E2F3: variants seen among roughly 807,000 people sequenced by gnomAD.
The protein encoded by E2F3 is E2F transcription factor 3, also known as transcription factor E2F3.
Under a neutral mutation model 44.4 loss-of-function variants are expected in E2F3, and 11 were observed. The ratio of observed to expected loss-of-function variants is 0.25; its 90% confidence interval spans 0.16 to 0.41. The LOEUF is 0.41. E2F3 is among the 10% of genes least tolerant of loss of function. The probability of loss-of-function intolerance (pLI) is 1.00; values close to 1 mark genes in which losing one functional copy is unlikely to be tolerated. For synonymous variants in E2F3, 249 were observed against 253.0 expected (o/e 0.98, Z 0.15); for missense variants, 487 against 583.6 (o/e 0.83, Z 1.70).
intron 1 of E2F3, among the ~76,000 whole-genome samples, chr6:20,454,447 G>A (rs1290015925): frequency 6.6e-6 from 1 of 152,224 alleles, no homozygotes; most frequent in Non-Finnish European, 1.5e-5. Context: ...ACAGCAGGAA[G>A]TGATAATATC....
rs1759347467 is a variant in E2F3 at position 20,402,679 on chromosome 6, C to T, written c.393+54C>T. 1 of 1,284,896 alleles carries T rather than the reference C, an allele frequency of 7.8e-7. No individual in the cohort carries two copies. Among genetic ancestry groups the T allele is most frequent in the Non-Finnish European group, 9.8e-7 (1 of 1,019,680 alleles). The allele number at this position is 1,284,896 out of a possible 1,614,324, so 79.6% of individuals were successfully genotyped here. A position where few individuals can be genotyped will look rare whatever the true frequency, so the allele number is the denominator to read the frequency against. On this transcript the variant is annotated intron_variant, in intron 1 of 6. Transcript: ENST00000346618. This position sits in a 1 kb window ranked among gnomAD's most constrained non-coding sequence, Gnocchi z 5.6. ...GCCCCGGCGGGAGGTGGGCTCGCAC[C>T]GCGCGGGGTCGTGGGCGCGCTGCGG... is the stretch of plus-strand genomic sequence containing the variant.
chr6:20,416,426 G>C (rs965846569), intron 1 of E2F3, among the ~76,000 whole-genome samples: 4 of 152,200 alleles, frequency 2.6e-5, no homozygotes, highest in Non-Finnish European at 2.9e-5. Context: ...CCCTGCCTCT[G>C]TGTGGTTTGT....
intron 2 of E2F3, among the ~76,000 whole-genome samples, chr6:20,480,381 T>A (rs1475188895): frequency 1.3e-5 from 2 of 152,224 alleles, no homozygotes. Flanking sequence ...TTGAGCCCGA[T>A]AAATTGCAGG....
At chr6:20,439,560 G>A (rs1581602274) in intron 1 of E2F3, among the ~76,000 whole-genome samples, 1 of 152,204 alleles carries the variant, frequency 6.6e-6, no homozygotes. Flanking sequence ...TAAAGAGACA[G>A]GGTCTCTGTC....
At chr6:20,469,942 C>T (rs996567978) in intron 1 of E2F3, among the ~76,000 whole-genome samples, 5 of 152,120 alleles carry the variant, frequency 3.3e-5, no homozygotes, top group African/African-American at 9.7e-5. Flanking sequence ...TAGGTAACCT[C>T]GTCAATGACA....
At position 20,490,525 on chromosome 6, in the gene E2F3, C is replaced by T; in HGVS notation, c.*95C>T. 7.9e-7 allele frequency: 1 copy of T among 1,263,538 alleles called. No homozygotes were observed. Among genetic ancestry groups the T allele is most frequent in the Non-Finnish European group, 1.1e-6 (1 of 938,476 alleles). The allele number at this position is 1,263,538 out of a possible 1,614,324, so 78.3% of individuals were successfully genotyped here. On this transcript the variant is annotated 3_prime_UTR_variant, in exon 7 of 7. Coordinates refer to ENST00000346618, the MANE Select transcript of E2F3 (RefSeq NM_001949.5). This position sits in a 1 kb window ranked among gnomAD's most constrained non-coding sequence, Gnocchi z 4.3. ...AGTGTTGTCCCTTCCTACCTTCTTC[C>T]TCCAAGAGAGTATCATGAAGTAAAC...
rs768293226 is a variant in E2F3, at chr6:20,479,839, A to C, written c.394-7A>C. 1 of 1,607,600 alleles carries C rather than the reference A, an allele frequency of 6.2e-7. No homozygotes were observed. Among genetic ancestry groups the C allele is most frequent in the Non-Finnish European group, 8.5e-7 (1 of 1,176,606 alleles). On this transcript the variant is annotated splice_region_variant and splice_polypyrimidine_tract_variant and intron_variant, in intron 1 of 6. Transcript: ENST00000346618. ...CGGTGACGAGAGATCGCACTTTCTT[A>C]TTACAGGCAAAGCGAAGGCTGGAGC...
chr6:20,462,980 T>TTTAGTGCAGTCATAGC (rs201398972), intron 1 of E2F3, among the ~76,000 whole-genome samples: 3,225 of 146,372 alleles, frequency 0.022, 125 homozygotes, highest in African/African-American at 0.076. Context: ...CCATTCACTC[T>TTTAGTGCAGTCATAGC]TTAGTGCAGT....
chr6:20,401,998 T>G lies in E2F3; in HGVS notation c.-235T>G. The G allele has an allele frequency of 1.7e-6, 1 of 601,050 alleles. No homozygotes were observed. Among genetic ancestry groups the G allele is most frequent in the Non-Finnish European group, 2.5e-6 (1 of 405,350 alleles). The allele number at this position is 601,050 out of a possible 1,614,324, so 37.2% of individuals were successfully genotyped here. A position where few individuals can be genotyped will look rare whatever the true frequency, so the allele number is the denominator to read the frequency against. The stretch of plus-strand genomic sequence containing the variant: ...CGCCCCCGACGCCTCCATCCCCGCT[T>G]GGGGCCCGATATCCGTGCGGCCGGG... On this transcript the variant is annotated 5_prime_UTR_variant, in exon 1 of 7. Coordinates refer to ENST00000346618, the MANE Select transcript of E2F3 (RefSeq NM_001949.5).
At chr6:20,429,865 C>T (rs1760341110) in intron 1 of E2F3, among the ~76,000 whole-genome samples, 1 of 151,740 alleles carries the variant, frequency 6.6e-6, no homozygotes, top group Non-Finnish European at 1.5e-5. Flanking sequence ...TTTGTTCTTA[C>T]ACATTGATTC....
chr6:20,413,666 G>A (rs1759748176), intron 1 of E2F3, among the ~76,000 whole-genome samples: 1 of 152,194 alleles, frequency 6.6e-6, no homozygotes. Flanking sequence ...GTACCCTTGA[G>A]TGGTTTTTCT....
At chr6:20,485,050 C>T (rs1197464345) in intron 4 of E2F3, among the ~76,000 whole-genome samples, 1 of 151,630 alleles carries the variant, frequency 6.6e-6, no homozygotes, top group African/African-American at 2.4e-5. Context: ...TATTAGATCA[C>T]GGACTCTATT....
At chr6:20,483,129 G>A (rs189098063) in intron 4 of E2F3, among the ~76,000 whole-genome samples, 360 of 152,188 alleles carry the variant, frequency 2.4e-3, no homozygotes, top group African/African-American at 8.4e-3. Context: ...TGGTAAGATA[G>A]TCACCAACTC....
intron 2 of E2F3, among the ~76,000 whole-genome samples, chr6:20,480,680 ATTAT>A (rs1762193640): frequency 1.3e-5 from 2 of 152,206 alleles, no homozygotes; most frequent in South Asian, 4.1e-4. Context: ...TTTCCAGGTA[ATTAT>A]TTATCAAAAT....
chr6:20,447,062 A>G (rs4712499), intron 1 of E2F3, among the ~76,000 whole-genome samples: 147,401 of 152,276 alleles, frequency 0.97, 71,361 homozygotes, highest in East Asian at 1. Flanking sequence ...GATAATATCA[A>G]GATAGAGTGT....
Position 20,488,886 on chromosome 6 carries a change from C to T in E2F3, c.1135+638C>T, listed in dbSNP as rs138099229. 1.3e-3 allele frequency among the ~76,000 whole-genome samples: 195 copies of T among 152,064 alleles called. 4 individuals carry two copies. Among genetic ancestry groups the T allele is most frequent in the Admixed American group, 6.0e-3 (92 of 15,250 alleles). On this transcript the variant is annotated intron_variant, in intron 6 of 6. Transcript: ENST00000346618. ...GCACGTGCCTGTAATCCCTGCTACT[C>T]GGGAGGCTGAGGCAGGAGAATCACT...
chr6:20,477,863 G>T (rs751654554), intron 1 of E2F3, among the ~76,000 whole-genome samples: 9 of 152,050 alleles, frequency 5.9e-5, no homozygotes, highest in Non-Finnish European at 1.2e-4. Flanking sequence ...ACTGTCTCAG[G>T]GATGACAGAG....
At chr6:20,465,139 A>G (rs1451573370) in intron 1 of E2F3, among the ~76,000 whole-genome samples, 4 of 152,172 alleles carry the variant, frequency 2.6e-5, no homozygotes, top group Admixed American at 1.3e-4. Flanking sequence ...TTCACCTCCC[A>G]GACGATTTTC....
chr6:20,484,915 T>C (rs1275024409), intron 4 of E2F3, among the ~76,000 whole-genome samples: 1 of 147,346 alleles, frequency 6.8e-6, no homozygotes, highest in Non-Finnish European at 1.5e-5. Flanking sequence ...ATCGTGCCAC[T>C]GCACTCCAGC....
Sources: allele counts gnomAD v4.1 joint callset (sites outside exome capture counted in the v4.1 genomes callset), GRCh38; gene constraint gnomAD v4.1.1; non-coding constraint Gnocchi (gnomAD v3.1); transcripts MANE v1.5; gene names NCBI Gene and HGNC (gene_info 2026-07-23, HGNC 2026-07-21).